Variants in PIBF1 observed in about 807,000 individuals in gnomAD.
PIBF1 encodes the protein progesterone immunomodulatory binding factor 1.
A neutral mutation model predicts 112.5 loss-of-function variants in PIBF1; 90 were observed. That is an observed-to-expected ratio of 0.80 (90% confidence interval 0.67 to 0.95). The LOEUF is 0.95. Ranked by LOEUF, PIBF1 falls within the 40% of genes least tolerant of loss-of-function variation. The probability of loss-of-function intolerance (pLI) is 0.00; values close to 1 mark genes in which losing one functional copy is unlikely to be tolerated. For missense variants in PIBF1, 915 were observed against 852.3 expected (o/e 1.07, Z -0.92); for synonymous variants, 301 against 288.6 (o/e 1.04, Z -0.44).
At position 72,947,201 on chromosome 13, in the gene PIBF1, T is replaced by A. The variant is rs181467850; in HGVS notation, c.1833+15934T>A. ...CCCTACCTGCATGCCCAACACCACGTGGAAGCTGCCAAAGCTTGAGACTTG... is the reference window on the plus strand; with the variant it reads ...CCCTACCTGCATGCCCAACACCACGAGGAAGCTGCCAAAGCTTGAGACTTG... On this transcript the variant is annotated intron_variant, in intron 14 of 17. Coordinates refer to ENST00000326291, the MANE Select transcript of PIBF1 (RefSeq NM_006346.4). 4.2e-4 allele frequency among the ~76,000 whole-genome samples: 64 copies of A among 152,292 alleles called. 2 individuals are homozygous for A. The highest frequency in any genetic ancestry group is 1.5e-3 in the African/African-American group (62 of 41,566).
chr13:73,008,649 A>G (rs2044109801), intron 17 of PIBF1, among the ~76,000 whole-genome samples: 1 of 152,214 alleles, frequency 6.6e-6, no homozygotes, highest in South Asian at 2.1e-4. Flanking sequence ...ACAAAAAAAT[A>G]AATTGAATAA....
intron 14 of PIBF1, among the ~76,000 whole-genome samples, chr13:72,947,035 T>A (rs1482298903): frequency 6.6e-6 from 1 of 152,206 alleles, no homozygotes; most frequent in Non-Finnish European, 1.5e-5. Flanking sequence ...ACCCCACATT[T>A]CCCTTCCGCA....
In PIBF1 at chr13:72,917,149, A is replaced by G; in HGVS notation, c.1713A>G (p.Lys571=). ...GTGCTAATGTTCCCACAACAGCCAA[A>G]AGACGACTAAAGCAAAGGTAAAATC... The part of the protein sequence containing the change: ...GYGANVPTTA[K]RRLKQSVHLA... Residue 571 remains lysine (K), a synonymous_variant, in exon 13 of 18, where the codon AAA becomes AAG. Coordinates refer to ENST00000326291, the MANE Select transcript of PIBF1 (RefSeq NM_006346.4). 1 of 1,583,282 alleles carries G rather than the reference A, an allele frequency of 6.3e-7. No individual in the cohort carries two copies. Among genetic ancestry groups the G allele is most frequent in the East Asian group, 2.3e-5 (1 of 43,788 alleles).
At chr13:72,864,320 G>A (rs1213747185) in intron 10 of PIBF1, among the ~76,000 whole-genome samples, 2 of 152,178 alleles carry the variant, frequency 1.3e-5, no homozygotes, top group East Asian at 3.9e-4. Flanking sequence ...TACACGTTGA[G>A]AGAGTAGACT....
intron 10 of PIBF1, among the ~76,000 whole-genome samples, chr13:72,868,699 C>T (rs2039026586): frequency 6.6e-6 from 1 of 151,952 alleles, no homozygotes; most frequent in Non-Finnish European, 1.5e-5. Flanking sequence ...CAACCTCTTC[C>T]ATGGCTGGGT....
At chr13:72,968,053 G>A (rs9592874) in intron 15 of PIBF1, among the ~76,000 whole-genome samples, 4,038 of 151,502 alleles carry the variant, frequency 0.027, 75 homozygotes, top group Non-Finnish European at 0.041. Flanking sequence ...GCGTAGTGGC[G>A]GGCGCCTGTA....
chr13:72,845,759 G>A (rs904691813), intron 9 of PIBF1, among the ~76,000 whole-genome samples: 4 of 152,146 alleles, frequency 2.6e-5, no homozygotes, highest in African/African-American at 9.7e-5. Flanking sequence ...TATCAGTGAT[G>A]ATGAGCTTTT....
chr13:72,786,647 A>T (rs2034610909), intron 2 of PIBF1, among the ~76,000 whole-genome samples: 1 of 152,212 alleles, frequency 6.6e-6, no homozygotes, highest in Non-Finnish European at 1.5e-5. Context: ...CACATGCAGC[A>T]TTAGACATTT....
intron 16 of PIBF1, among the ~76,000 whole-genome samples, chr13:72,986,146 G>A (rs1438009726): frequency 1.3e-5 from 2 of 152,038 alleles, no homozygotes; most frequent in Non-Finnish European, 2.9e-5. Context: ...CTGGGCAAGA[G>A]TGAGACCCTA....
At chr13:72,987,513 A>G (rs1265262474) in intron 16 of PIBF1, among the ~76,000 whole-genome samples, 3 of 152,122 alleles carry the variant, frequency 2.0e-5, no homozygotes, top group Non-Finnish European at 4.4e-5. Context: ...TATCACAGAC[A>G]TTGATGGAAG....
chr13:72,922,674 A>T (rs1472700663), intron 13 of PIBF1, among the ~76,000 whole-genome samples: 4 of 152,250 alleles, frequency 2.6e-5, no homozygotes. Flanking sequence ...ATAATAAAAA[A>T]AAATAAAGCA....
chr13:72,832,539 G>A (rs896577576), intron 8 of PIBF1, among the ~76,000 whole-genome samples: 3 of 152,100 alleles, frequency 2.0e-5, no homozygotes, highest in Admixed American at 2.0e-4. Flanking sequence ...TAGTTTGGCT[G>A]GATATGAAAT....
chr13:72,931,717 C>CATATATATATATATATATATATATAT (rs1414425546), intron 14 of PIBF1, among the ~76,000 whole-genome samples: 2 of 24,412 alleles, frequency 8.2e-5, no homozygotes, highest in Non-Finnish European at 1.7e-4. Flanking sequence ...ATTTAAACTA[C>CATATATATATATATATATATATATAT]GTATATATAT....
chr13:72,832,976 T>A (rs948806130), intron 8 of PIBF1, among the ~76,000 whole-genome samples: 3 of 152,220 alleles, frequency 2.0e-5, no homozygotes, highest in African/African-American at 7.2e-5. Flanking sequence ...TTTTTATTCT[T>A]TTGTCTCTAA....
intron 14 of PIBF1, among the ~76,000 whole-genome samples, chr13:72,940,240 T>G (rs1371071182): frequency 6.6e-6 from 1 of 152,108 alleles, no homozygotes; most frequent in East Asian, 1.9e-4. Flanking sequence ...TTTGAATAGC[T>G]TCTTTTACTG....
chr13:72,950,298 G>A (rs1342266892), intron 14 of PIBF1, among the ~76,000 whole-genome samples: 1 of 152,080 alleles, frequency 6.6e-6, no homozygotes, highest in Non-Finnish European at 1.5e-5. Context: ...ATCTAGAGAG[G>A]TGTTTAGACC....
At chr13:72,942,868 G>A (rs371903745) in intron 14 of PIBF1, among the ~76,000 whole-genome samples, 3 of 152,190 alleles carry the variant, frequency 2.0e-5, no homozygotes, top group East Asian at 3.9e-4. Flanking sequence ...GGGTGTGGTG[G>A]TGTGCACATA....
chr13:72,901,064 T>C (rs1333089651), intron 11 of PIBF1: 1 of 443,604 alleles, frequency 2.3e-6, no homozygotes, highest in Non-Finnish European at 4.5e-6. Context: ...AAAAGCTAAA[T>C]AGCTGGGACC....
At chr13:72,881,831 A>G (rs961565010) in intron 10 of PIBF1, among the ~76,000 whole-genome samples, 18 of 152,286 alleles carry the variant, frequency 1.2e-4, no homozygotes, top group Admixed American at 1.3e-4. Context: ...CATGGATTGG[A>G]AGAATCAATG....
Sources: gnomAD v4.1 joint callset for allele counts (sites outside exome capture counted in the v4.1 genomes callset) on GRCh38, gnomAD v4.1.1 for gene constraint, MANE v1.5 for transcripts, NCBI Gene and HGNC (gene_info 2026-07-23, HGNC 2026-07-21) for gene names.